Variants in ASIC2 observed in about 807,000 individuals in gnomAD.
The protein encoded by ASIC2 is acid sensing ion channel subunit 2, also known as acid-sensing ion channel 2.
In ASIC2, 25 loss-of-function variants were observed where a neutral mutation model predicts 57.3. That is an observed-to-expected ratio of 0.44 (90% CI 0.32 to 0.61). The LOEUF is 0.61. ASIC2 is among the 20% of genes least tolerant of loss of function. The probability of loss-of-function intolerance (pLI) is 0.06; values close to 1 mark genes in which losing one functional copy is unlikely to be tolerated. For synonymous variants in ASIC2, 319 were observed against 307.5 expected (o/e 1.04, Z -0.39); for missense variants, 641 against 738.1 (o/e 0.87, Z 1.52).
intron 2 of ASIC2, 115 bp from the exon 3 acceptor site, chr17:33,089,105 G>C: frequency 7.3e-7 from 1 of 1,369,678 alleles, no homozygotes; most frequent in South Asian, 1.5e-5. Context: ...GCAGAATAAT[G>C]GCCCCCAAAG....
chr17:33,500,144 C>A (rs1914057988), intron 1 of ASIC2, among the ~76,000 whole-genome samples: 1 of 152,172 alleles, frequency 6.6e-6, no homozygotes, highest in Non-Finnish European at 1.5e-5. Context: ...ATAATCACAG[C>A]AGCTGCAGAA....
chr17:33,546,210 G>A (rs1197802671), intron 1 of ASIC2, among the ~76,000 whole-genome samples: 2 of 149,590 alleles, frequency 1.3e-5, no homozygotes, highest in Admixed American at 1.3e-4. Flanking sequence ...TATATATGTA[G>A]ACACACACAT....
intron 1 of ASIC2, among the ~76,000 whole-genome samples, chr17:34,146,037 A>C (rs2142139941): frequency 6.6e-6 from 1 of 152,310 alleles, no homozygotes; most frequent in Non-Finnish European, 1.5e-5. Context: ...TGAGCAGCTG[A>C]GAGTCACGTA....
At chr17:33,870,487 CA>C (rs1257887522) in intron 1 of ASIC2, among the ~76,000 whole-genome samples, 3 of 151,912 alleles carry the variant, frequency 2.0e-5, no homozygotes, top group African/African-American at 7.3e-5. Context: ...GAGGGTAGGA[CA>C]AAAGGTCATG....
rs1005491105 is a variant in ASIC2, at chr17:33,808,436, G to T, written c.555+347542C>A. On this transcript the variant is annotated intron_variant, in intron 1 of 9. Transcript: ENST00000359872. Reference sequence around the variant, plus strand: ...GTGTCTTAATCACTGTAGCTTCATAGTAAGCCTTGAAGTTGGGTAGTGTCA... The same window carrying T: ...GTGTCTTAATCACTGTAGCTTCATATTAAGCCTTGAAGTTGGGTAGTGTCA... 3.3e-5 allele frequency among the ~76,000 whole-genome samples: 5 copies of T among 152,138 alleles called. No homozygotes were observed. The South Asian group carries it at 1.0e-3, about 32-fold the overall frequency.
At chr17:33,890,777 A>T (rs1914942542) in intron 1 of ASIC2, among the ~76,000 whole-genome samples, 1 of 152,184 alleles carries the variant, frequency 6.6e-6, no homozygotes, top group Admixed American at 6.5e-5. Flanking sequence ...GGGCTTTGTG[A>T]GGCTCAGGGA....
chr17:33,933,659 G>T (rs979355956), intron 1 of ASIC2, among the ~76,000 whole-genome samples: 3 of 152,016 alleles, frequency 2.0e-5, no homozygotes, highest in Non-Finnish European at 4.4e-5. Flanking sequence ...TAGCAGGGAA[G>T]AAAATAAAAC....
At chr17:33,967,641 T>A (rs1409885810) in intron 1 of ASIC2, among the ~76,000 whole-genome samples, 1 of 152,210 alleles carries the variant, frequency 6.6e-6, no homozygotes, top group East Asian at 1.9e-4. Context: ...GGAGACACCA[T>A]GAAATTCCAT....
intron 1 of ASIC2, among the ~76,000 whole-genome samples, chr17:33,245,047 G>T (rs560476081): frequency 1.3e-5 from 2 of 152,242 alleles, no homozygotes; most frequent in East Asian, 1.9e-4. Context: ...CTGTAATAAC[G>T]ATCACATAAT....
chr17:33,389,208 G>A (rs190824342), intron 1 of ASIC2, among the ~76,000 whole-genome samples: 3 of 152,150 alleles, frequency 2.0e-5, no homozygotes, highest in Admixed American at 1.3e-4. Flanking sequence ...CAATCCACCC[G>A]ACTCAGCCTC....
At chr17:33,388,457 A>T (rs1320322993) in intron 1 of ASIC2, among the ~76,000 whole-genome samples, 1 of 152,202 alleles carries the variant, frequency 6.6e-6, no homozygotes, top group East Asian at 1.9e-4. Flanking sequence ...GTACACCCAT[A>T]CCACAGAGAA....
At chr17:33,590,105 C>T (rs1464407536) in intron 1 of ASIC2, among the ~76,000 whole-genome samples, 1 of 152,106 alleles carries the variant, frequency 6.6e-6, no homozygotes, top group Non-Finnish European at 1.5e-5. Flanking sequence ...CCTAGAAGTG[C>T]GACTCTGGGT....
chr17:33,306,616 T>C (rs1300505779), intron 1 of ASIC2, among the ~76,000 whole-genome samples: 1 of 152,180 alleles, frequency 6.6e-6, no homozygotes, highest in Non-Finnish European at 1.5e-5. Context: ...CTCAAGTGCA[T>C]GGCCTGAGAT....
At chr17:33,592,353 C>G (rs188426021) in intron 1 of ASIC2, among the ~76,000 whole-genome samples, 5 of 152,332 alleles carry the variant, frequency 3.3e-5, no homozygotes, top group Admixed American at 6.5e-5. Flanking sequence ...GCTGCCGGAG[C>G]CTTCTCTGGT....
At chr17:33,537,160 C>G (rs1915259569) in intron 1 of ASIC2, among the ~76,000 whole-genome samples, 1 of 152,182 alleles carries the variant, frequency 6.6e-6, no homozygotes, top group Non-Finnish European at 1.5e-5. Flanking sequence ...CTTTCTGACT[C>G]AGCCTCTGCC....
intron 1 of ASIC2, among the ~76,000 whole-genome samples, chr17:34,007,699 C>G (rs114594465): frequency 6.6e-6 from 1 of 152,356 alleles, no homozygotes; most frequent in African/African-American, 2.4e-5. Flanking sequence ...CTCTTCAACA[C>G]TGCTTTGAAA....
At chr17:33,168,815 T>G (rs1905400466) in intron 1 of ASIC2, among the ~76,000 whole-genome samples, 1 of 152,170 alleles carries the variant, frequency 6.6e-6, no homozygotes, top group Non-Finnish European at 1.5e-5. Context: ...TGAAAAGATT[T>G]GAAAAACTCT....
intron 1 of ASIC2, among the ~76,000 whole-genome samples, chr17:33,662,624 AAAATAAATAAATAAAT>A (rs71144895): frequency 1.3e-4 from 11 of 85,778 alleles, no homozygotes; most frequent in East Asian, 3.8e-4. Flanking sequence ...CTCTGTCTCA[AAAATAAATAAATAAAT>A]AAATAAATAA....
intron 1 of ASIC2, among the ~76,000 whole-genome samples, chr17:34,017,874 T>C (rs1017898531): frequency 1.3e-5 from 2 of 152,238 alleles, no homozygotes; most frequent in Non-Finnish European, 2.9e-5. Context: ...CATCTCCTTG[T>C]ATGTATCTTC....
Sources: allele counts gnomAD v4.1 joint callset (sites outside exome capture counted in the v4.1 genomes callset), GRCh38; gene constraint gnomAD v4.1.1; transcripts MANE v1.5; gene names NCBI Gene and HGNC (gene_info 2026-07-23, HGNC 2026-07-21).